The following DAB1 variants were observed in gnomAD, a reference collection of about 807,000 sequenced individuals.
The protein encoded by DAB1 is disabled homolog 1.
Under a neutral mutation model 64.6 loss-of-function variants are expected in DAB1, and 15 were observed. The observed-to-expected ratio is 0.23, with a 90% CI of 0.16 to 0.36. The LOEUF (loss-of-function observed/expected upper bound fraction) is 0.36, where lower values mean the gene tolerates loss of function less well. DAB1 is among the 10% of genes least tolerant of loss of function. DAB1 has a pLI of 1.00. For synonymous variants in DAB1, 235 were observed against 251.9 expected (o/e 0.93, Z 0.64); for missense variants, 596 against 706.7 (o/e 0.84, Z 1.78).
At chr1:57,813,083 T>A (rs1468140635) in intron 6 of DAB1, among the ~76,000 whole-genome samples, 1 of 152,252 alleles carries the variant, frequency 6.6e-6, no homozygotes, top group African/African-American at 2.4e-5. Context: ...GTATATCATA[T>A]ATATCATTAT....
chr1:57,518,436 A>G (rs1644487831), intron 7 of DAB1, among the ~76,000 whole-genome samples: 1 of 152,132 alleles, frequency 6.6e-6, no homozygotes, highest in Non-Finnish European at 1.5e-5. Context: ...AGAAATAAAT[A>G]AAATAAAATA....
At chr1:57,152,328 C>T (rs1659766159) in intron 2 of DAB1, among the ~76,000 whole-genome samples, 1 of 152,204 alleles carries the variant, frequency 6.6e-6, no homozygotes, top group African/African-American at 2.4e-5. Context: ...ACCTGCTTCA[C>T]TTGGTTCCAT....
intron 5 of DAB1, among the ~76,000 whole-genome samples, chr1:57,995,525 A>T (rs1402805137): frequency 1.3e-5 from 2 of 152,354 alleles, no homozygotes; most frequent in South Asian, 4.1e-4. Flanking sequence ...CACTCTATTT[A>T]TTCAATAATA....
intron 5 of DAB1, among the ~76,000 whole-genome samples, chr1:58,113,414 T>C (rs1418840400): frequency 6.6e-6 from 1 of 152,198 alleles, no homozygotes; most frequent in East Asian, 1.9e-4. Context: ...CAGGCCTGTA[T>C]CATTTGCCAT....
At chr1:57,221,529 T>C (rs1666872511) in intron 2 of DAB1, among the ~76,000 whole-genome samples, 2 of 152,070 alleles carry the variant, frequency 1.3e-5, no homozygotes, top group African/African-American at 4.8e-5. Context: ...TACAAAATAC[T>C]ATTTTCACAA....
intron 3 of DAB1, among the ~76,000 whole-genome samples, chr1:58,408,906 T>C (rs1345844388): frequency 1.3e-5 from 2 of 152,010 alleles, no homozygotes; most frequent in East Asian, 1.9e-4. Context: ...TCAACACACA[T>C]AGAAGTCCCA....
intron 6 of DAB1, among the ~76,000 whole-genome samples, chr1:57,800,857 T>C (rs1035005631): frequency 6.6e-6 from 1 of 152,180 alleles, no homozygotes; most frequent in African/African-American, 2.4e-5. Context: ...GATGTGACTG[T>C]CTTAGCTCTG....
At chr1:58,023,367 G>C (rs972425507) in intron 5 of DAB1, among the ~76,000 whole-genome samples, 1 of 152,076 alleles carries the variant, frequency 6.6e-6, no homozygotes, top group Non-Finnish European at 1.5e-5. Flanking sequence ...AACCAGATCA[G>C]GGACTCTGTG....
intron 5 of DAB1, among the ~76,000 whole-genome samples, chr1:58,027,854 T>C (rs1199240093): frequency 6.6e-6 from 1 of 152,154 alleles, no homozygotes; most frequent in Non-Finnish European, 1.5e-5. Context: ...AGATGAAACC[T>C]AGAAATAAGG....
chr1:57,013,385 T>C (rs1646324092), intron 12 of DAB1, among the ~76,000 whole-genome samples: 1 of 152,218 alleles, frequency 6.6e-6, no homozygotes, highest in South Asian at 2.1e-4. Context: ...GAGATGTTTG[T>C]TTTTAAAAAG....
intron 1 of DAB1, chr1:57,867,434 T>C (rs1654355898): frequency 6.6e-6 from 1 of 152,156 alleles, no homozygotes; most frequent in Non-Finnish European, 1.5e-5. Flanking sequence ...CTGAACTGTA[T>C]GAATTGCTAA....
intron 5 of DAB1, among the ~76,000 whole-genome samples, chr1:58,032,741 C>T (rs987837813): frequency 3.3e-5 from 5 of 152,202 alleles, no homozygotes; most frequent in Non-Finnish European, 5.9e-5. Context: ...ATGCACATGC[C>T]TAGCTAAAAA....
chr1:57,033,171 TAC>T lies in DAB1; in HGVS notation c.724-7130_724-7129del, dbSNP rs141683665. ...CTCCTCTCCAACATACACTTTTGTT[TAC>T]ACACACACACACACACACACGTGTA... On this transcript the variant is annotated intron_variant, in intron 9 of 14. Coordinates refer to ENST00000371236, the MANE Select transcript of DAB1 (RefSeq NM_001365792.1). 2.1e-3 allele frequency among the ~76,000 whole-genome samples: 319 copies of T among 149,310 alleles called. 1 individual carries two copies. Among genetic ancestry groups the T allele is most frequent in the African/African-American group, 5.5e-3 (222 of 40,444 alleles).
In DAB1 at chr1:58,302,111, A is replaced by G. The variant is rs572535498; in HGVS notation, n.309+41241T>C. 7.9e-5 allele frequency among the ~76,000 whole-genome samples: 12 copies of G among 152,248 alleles called. No individual in the cohort carries two copies. In the South Asian group the frequency reaches 2.5e-3, roughly 32 times the overall value. Reference sequence around the variant, plus strand: ...AATTTGGCTCCCCTGAAACTAAGGGACAGTTTTGAAATTGGTGTACACTTA... The same window carrying G: ...AATTTGGCTCCCCTGAAACTAAGGGGCAGTTTTGAAATTGGTGTACACTTA... On this transcript the variant is annotated intron_variant and non_coding_transcript_variant, in intron 4 of 20. Coordinates refer to the DAB1 transcript ENST00000485760.
chr1:58,492,068 C>A (rs1645704332), intron 3 of DAB1, among the ~76,000 whole-genome samples: 3 of 152,210 alleles, frequency 2.0e-5, no homozygotes, highest in Admixed American at 6.5e-5. Flanking sequence ...AACTGTCTCT[C>A]AGACCACAGT....
chr1:57,397,714 C>T (rs1244045609), intron 1 of DAB1, among the ~76,000 whole-genome samples: 1 of 152,198 alleles, frequency 6.6e-6, no homozygotes, highest in African/African-American at 2.4e-5. Context: ...TAGTCTACCC[C>T]GAGTGATGAG....
chr1:57,207,530 G>A (rs1171545878), intron 2 of DAB1, among the ~76,000 whole-genome samples: 6 of 131,892 alleles, frequency 4.5e-5, no homozygotes, highest in Non-Finnish European at 9.6e-5. Flanking sequence ...TGCAAGCTCC[G>A]CCTCCCGGGT....
At chr1:57,570,713 A>G (rs1645184534) in intron 7 of DAB1, among the ~76,000 whole-genome samples, 1 of 151,956 alleles carries the variant, frequency 6.6e-6, no homozygotes, top group African/African-American at 2.4e-5. Context: ...AACTAGGATT[A>G]TTTTTTATAG....
chr1:58,093,252 C>A (rs1352859027), intron 5 of DAB1, among the ~76,000 whole-genome samples: 2 of 152,162 alleles, frequency 1.3e-5, no homozygotes, highest in African/African-American at 4.8e-5. Context: ...CAAGAGGCAG[C>A]TGAGTATGCA....
Sources: gnomAD v4.1 joint callset for allele counts (sites outside exome capture counted in the v4.1 genomes callset) on GRCh38, gnomAD v4.1.1 for gene constraint, MANE v1.5 for transcripts, NCBI Gene and HGNC (gene_info 2026-07-23, HGNC 2026-07-21) for gene names.